The following RBM39 variants were observed in gnomAD, a reference collection of about 807,000 sequenced individuals.
RBM39 encodes the protein RNA-binding protein 39.
RBM39 carries 12 observed loss-of-function variants against 79.6 expected under a neutral mutation model. The observed-to-expected ratio is 0.15, with a 90% CI of 0.10 to 0.24. The LOEUF (loss-of-function observed/expected upper bound fraction) is 0.24, where lower values mean the gene tolerates loss of function less well. RBM39 is among the 10% of genes least tolerant of loss of function. The probability of loss-of-function intolerance (pLI) is 1.00; values close to 1 mark genes in which losing one functional copy is unlikely to be tolerated. For synonymous variants in RBM39, 185 were observed against 208.4 expected, an observed-to-expected ratio of 0.89 and a Z score of 0.97; for missense variants, 243 against 653.4, an observed-to-expected ratio of 0.37 and a Z score of 6.85.
At chr20:35,717,764 G>A (rs977464477) in intron 9 of RBM39, among the ~76,000 whole-genome samples, 2 of 152,190 alleles carry the variant, frequency 1.3e-5, no homozygotes, top group African/African-American at 2.4e-5. Flanking sequence ...CAGGAGGATC[G>A]CATGTTAAGG....
chr20:35,727,878 A>G (rs1342983680), intron 6 of RBM39, among the ~76,000 whole-genome samples: 1 of 151,888 alleles, frequency 6.6e-6, no homozygotes, highest in Non-Finnish European at 1.5e-5. Flanking sequence ...TGAACTTCTG[A>G]CCTCAGGTGA....
chr20:35,709,802 AT>A (rs993449736), intron 12 of RBM39, among the ~76,000 whole-genome samples: 39 of 152,148 alleles, frequency 2.6e-4, no homozygotes, highest in African/African-American at 9.4e-4. Context: ...TGCATATATT[AT>A]TTTTTTAAGG....
At chr20:35,721,612 T>C in intron 9 of RBM39, 128 bp downstream of exon 9, 1 of 1,090,508 alleles carries the variant, frequency 9.2e-7, no homozygotes, top group South Asian at 1.8e-5. Flanking sequence ...ACAGAAATTT[T>C]TATAAAACCA....
chr20:35,727,952 T>C (rs2038940832), intron 6 of RBM39, among the ~76,000 whole-genome samples: 1 of 151,902 alleles, frequency 6.6e-6, no homozygotes, highest in African/African-American at 2.4e-5. Context: ...ACGCCTGGCC[T>C]AATTTTTGTA....
At chr20:35,739,073 G>A in intron 2 of RBM39, 56 bp from the exon 3 acceptor site, 1 of 1,386,562 alleles carries the variant, frequency 7.2e-7, no homozygotes, top group Non-Finnish European at 1.0e-6. Context: ...ATTTCAAGTT[G>A]TCAAAGGGTA....
At chr20:35,740,180 G>GA (rs1276893599) in intron 2 of RBM39, 4 of 167,968 alleles carry the variant, frequency 2.4e-5, no homozygotes, top group African/African-American at 4.8e-5. Context: ...AGCTTGTATT[G>GA]ACTCTACTGC....
intron 10 of RBM39, 128 bp downstream of exon 10, chr20:35,716,612 C>A: frequency 1.5e-6 from 1 of 683,134 alleles, no homozygotes; most frequent in Non-Finnish European, 2.5e-6. Flanking sequence ...TCCTGTAATC[C>A]CAGCAGTTTG....
At chr20:35,740,399 G>T in intron 2 of RBM39, 1 of 421,368 alleles carries the variant, frequency 2.4e-6, no homozygotes, top group Non-Finnish European at 4.5e-6. Context: ...TGTTATTCTT[G>T]GACCCCTGCT....
intron 11 of RBM39, 43 bp downstream of exon 11, chr20:35,714,142 C>T: frequency 1.9e-6 from 3 of 1,583,126 alleles, no homozygotes; most frequent in Non-Finnish European, 2.6e-6. Flanking sequence ...TTTTCCACTA[C>T]AATACCCACA....
intron 12 of RBM39, among the ~76,000 whole-genome samples, chr20:35,712,007 T>C (rs908610676): frequency 2.0e-5 from 3 of 152,042 alleles, no homozygotes; most frequent in Non-Finnish European, 4.4e-5. Flanking sequence ...GCACCAGAAT[T>C]CCTTGAACCC....
intron 6 of RBM39, among the ~76,000 whole-genome samples, chr20:35,728,101 T>G (rs926523188): frequency 1.3e-5 from 2 of 152,170 alleles, no homozygotes; most frequent in Non-Finnish European, 2.9e-5. Flanking sequence ...ATTCTTATTT[T>G]TAAGAGTAAA....
chr20:35,707,871 C>A, intron 13 of RBM39: 2 of 464,724 alleles, frequency 4.3e-6, no homozygotes, highest in Non-Finnish European at 8.9e-6. Context: ...AGAGCATTTT[C>A]CAAGACAGTT....
intron 10 of RBM39, among the ~76,000 whole-genome samples, chr20:35,714,792 T>C (rs1171757817): frequency 1.3e-5 from 2 of 152,142 alleles, no homozygotes; most frequent in African/African-American, 2.4e-5. Flanking sequence ...ATAGTCAATA[T>C]AATCCTCATA....
At chr20:35,716,003 G>C (rs2037079961) in intron 10 of RBM39, among the ~76,000 whole-genome samples, 1 of 152,082 alleles carries the variant, frequency 6.6e-6, no homozygotes, top group Non-Finnish European at 1.5e-5. Context: ...TTAGTGTCAT[G>C]TTTGCATGGC....
At chr20:35,734,909 C>A in intron 3 of RBM39, 1 of 1,570,532 alleles carries the variant, frequency 6.4e-7, no homozygotes, top group South Asian at 1.2e-5. Context: ...AAGGGACTTT[C>A]CAAAGTCTTT....
At chr20:35,714,500 A>G in intron 10 of RBM39, 111 bp from the exon 11 acceptor site, 1 of 1,371,156 alleles carries the variant, frequency 7.3e-7, no homozygotes, top group Non-Finnish European at 9.5e-7. Flanking sequence ...ACTTCTGAAT[A>G]CTAAGGTAGA....
At chr20:35,737,094 T>C (rs2040010389) in intron 3 of RBM39, among the ~76,000 whole-genome samples, 2 of 150,940 alleles carry the variant, frequency 1.3e-5, no homozygotes, top group African/African-American at 4.9e-5. Flanking sequence ...CTGTCTCTAC[T>C]AAAAACACAA....
In RBM39 at chr20:35,709,143, A is replaced by G. The variant is rs1055226632; in HGVS notation, c.1225+81T>C. The G allele has an allele frequency of 8.5e-6, 11 of 1,295,850 alleles. No individual in the cohort carries two copies. In the African/African-American group the frequency reaches 1.6e-4, roughly 19 times the overall value. The allele number at this position is 1,295,850 out of a possible 1,614,324, so 80.3% of individuals were successfully genotyped here. On this transcript the variant is annotated intron_variant, in intron 13 of 16. Transcript: ENST00000253363. ...TCCAAATTACTGGTATAAAAATATG[A>G]CAATAAATATAGAAAACTGTCTTAC... is the stretch of plus-strand genomic sequence containing the variant.
At chr20:35,725,598 A>G (rs1386645242) in intron 6 of RBM39, among the ~76,000 whole-genome samples, 1 of 150,784 alleles carries the variant, frequency 6.6e-6, no homozygotes, top group Non-Finnish European at 1.5e-5. Context: ...ATTCTCAAAC[A>G]TGTTCAGTAA....
Sources: allele counts gnomAD v4.1 joint callset (sites outside exome capture counted in the v4.1 genomes callset), GRCh38; gene constraint gnomAD v4.1.1; transcripts MANE v1.5; gene names NCBI Gene and HGNC (gene_info 2026-07-23, HGNC 2026-07-21).